MYO1H: variants seen among roughly 807,000 people sequenced by gnomAD.
MYO1H encodes myosin IH.
A neutral mutation model predicts 149.3 loss-of-function variants in MYO1H; 118 were observed. The ratio of observed to expected loss-of-function variants is 0.79; its 90% CI spans 0.68 to 0.92. The LOEUF (loss-of-function observed/expected upper bound fraction) is 0.92. MYO1H is among the 40% of genes least tolerant of loss of function. The pLI, the probability that MYO1H is intolerant of heterozygous loss-of-function variation, is 0.00. For missense variants in MYO1H, 1,212 were observed against 1,280.7 expected, an observed-to-expected ratio of 0.95 and a Z score of 0.82; for synonymous variants, 447 against 465.2, an observed-to-expected ratio of 0.96 and a Z score of 0.50.
At chr12:109,314,730 C>T in the MYO1H span, among the ~76,000 whole-genome samples, 12,518 of 152,226 alleles carry the variant, frequency 0.082, 674 homozygotes, top group African/African-American at 0.14. Flanking sequence ...AGGTGCTCAA[C>T]AGGCAACAGC....
the MYO1H span, among the ~76,000 whole-genome samples, chr12:109,320,439 A>G: frequency 3.1e-5 from 4 of 128,750 alleles, no homozygotes; most frequent in Non-Finnish European, 6.3e-5. Context: ...ATGAAACCCC[A>G]TCTCTATTAA....
At chr12:109,441,147 G>A (rs1421566795) in intron 25 of MYO1H, among the ~76,000 whole-genome samples, 1 of 152,232 alleles carries the variant, frequency 6.6e-6, no homozygotes, top group Non-Finnish European at 1.5e-5. Context: ...CGGGTCTTTT[G>A]TGTAAAGGGC....
chr12:109,383,326 C>G (rs76780030), intron 1 of MYO1H, among the ~76,000 whole-genome samples: 3 of 152,184 alleles, frequency 2.0e-5, no homozygotes, highest in Non-Finnish European at 4.4e-5. Context: ...GCCAAAACAG[C>G]TGGCCAAGTT....
At chr12:109,408,884 G>A (rs1192511879) in intron 10 of MYO1H, among the ~76,000 whole-genome samples, 2 of 152,142 alleles carry the variant, frequency 1.3e-5, no homozygotes, top group African/African-American at 4.8e-5. Context: ...CCACCTCTGG[G>A]GTTCAAGCGA....
exon 32 of MYO1H, chr12:109,447,229 G>T: frequency 6.5e-7 from 1 of 1,549,746 alleles, no homozygotes. Context: ...TGCTCCAACT[G>T]AGGAAACTAC....
At chr12:109,323,078 A>G in the MYO1H span, among the ~76,000 whole-genome samples, 1 of 152,248 alleles carries the variant, frequency 6.6e-6, no homozygotes, top group African/African-American at 2.4e-5. Context: ...CTGCACTCCA[A>G]CCTGGGCGAC....
At chr12:109,406,076 G>T in intron 8 of MYO1H, 41 bp downstream of exon 8, 1 of 1,454,578 alleles carries the variant, frequency 6.9e-7, no homozygotes. Flanking sequence ...GAGGGGGATG[G>T]GTGGGAGAGA....
intron 31 of MYO1H, chr12:109,446,357 C>A (rs900919594): frequency 8.1e-6 from 8 of 985,234 alleles, no homozygotes; most frequent in Non-Finnish European, 9.6e-6. Context: ...GGAGCTGAAT[C>A]TTTAAAATGT....
At chr12:109,403,804 T>G (rs1870264057) in intron 6 of MYO1H, among the ~76,000 whole-genome samples, 178 bp from the exon 7 acceptor site, 1 of 152,182 alleles carries the variant, frequency 6.6e-6, no homozygotes, top group Non-Finnish European at 1.5e-5. Flanking sequence ...CCAAATAAAT[T>G]TGAAAAAAAG....
chr12:109,395,811 A>ATTTGAG (rs1869868154), intron 3 of MYO1H, among the ~76,000 whole-genome samples: 1 of 150,814 alleles, frequency 6.6e-6, no homozygotes, highest in Non-Finnish European at 1.5e-5. Context: ...TACACTCTAT[A>ATTTGAG]TTTGATTAGT....
At chr12:109,315,319 G>T in the MYO1H span, among the ~76,000 whole-genome samples, 3 of 152,236 alleles carry the variant, frequency 2.0e-5, no homozygotes, top group African/African-American at 7.2e-5. Context: ...CAGGATTATT[G>T]CTCTAGCCAT....
intron 10 of MYO1H, among the ~76,000 whole-genome samples, chr12:109,408,797 TA>T (rs146254368): frequency 0.037 from 5,699 of 151,974 alleles, 110 homozygotes; most frequent in Middle Eastern, 0.054. Flanking sequence ...ATCTCTTTTT[TA>T]TTTTTTTTTG....
At chr12:109,413,586 A>T (rs1387167115) in intron 14 of MYO1H, among the ~76,000 whole-genome samples, 3 of 152,244 alleles carry the variant, frequency 2.0e-5, no homozygotes, top group African/African-American at 7.2e-5. Context: ...CTATAACTGC[A>T]TGCAATGATG....
chr12:109,432,514 T>A lies in MYO1H; in HGVS notation c.1950-383T>A, dbSNP rs1013946947. The stretch of plus-strand genomic sequence containing the variant: ...GGACATCTGGGTTGTTTCCACCTTT[T>A]GGCTATTATGAATCATAGCACCATG... On this transcript the variant is annotated intron_variant, in intron 19 of 31. Coordinates refer to ENST00000310903, the Ensembl canonical transcript of MYO1H. Among the ~76,000 whole-genome samples, 7 of 152,240 alleles carry A rather than the reference T, an allele frequency of 4.6e-5. No homozygotes were observed. In the South Asian group the frequency reaches 1.5e-3, roughly 32 times the overall value.
intron 1 of MYO1H, among the ~76,000 whole-genome samples, chr12:109,371,209 C>CTTTTTTTTTTT (rs1195498832): frequency 1.6e-5 from 2 of 121,550 alleles, no homozygotes; most frequent in African/African-American, 5.9e-5. Context: ...TCTTTTTTTT[C>CTTTTTTTTTTT]TTTCTTTTTT....
chr12:109,326,812 C>T, the MYO1H span, among the ~76,000 whole-genome samples: 1 of 152,030 alleles, frequency 6.6e-6, no homozygotes, highest in Non-Finnish European at 1.5e-5. Flanking sequence ...TGCCACCATA[C>T]CCGGTCTAGA....
At chr12:109,429,606 A>G (rs1469281822) in intron 19 of MYO1H, among the ~76,000 whole-genome samples, 1 of 152,172 alleles carries the variant, frequency 6.6e-6, no homozygotes, top group Non-Finnish European at 1.5e-5. Flanking sequence ...AGAGACTTGA[A>G]CATCCGTGGA....
intron 22 of MYO1H, among the ~76,000 whole-genome samples, chr12:109,437,358 C>T (rs2164743): frequency 0.41 from 62,083 of 151,906 alleles, 13,017 homozygotes; most frequent in African/African-American, 0.48. Flanking sequence ...CTTAACTATA[C>T]TCTTGGTATT....
chr12:109,440,083 A>G (rs1460177114), intron 24 of MYO1H, among the ~76,000 whole-genome samples: 2 of 150,338 alleles, frequency 1.3e-5, no homozygotes, highest in African/African-American at 4.9e-5. Flanking sequence ...CACCCAGGCT[A>G]GAGTGCAGTG....
Sources: gnomAD v4.1 joint callset for allele counts (sites outside exome capture counted in the v4.1 genomes callset) on GRCh38, gnomAD v4.1.1 for gene constraint, MANE v1.5 for transcripts, NCBI Gene and HGNC (gene_info 2026-07-23, HGNC 2026-07-21) for gene names.